The following CSMD1 variants were observed in gnomAD, a reference collection of about 807,000 sequenced individuals.
CSMD1 encodes CUB and Sushi multiple domains 1.
CSMD1 carries 213 observed loss-of-function variants against 417.5 expected under a neutral mutation model. The ratio of observed to expected loss-of-function variants is 0.51; its 90% CI spans 0.46 to 0.57. CSMD1 has a LOEUF of 0.57. CSMD1 is among the 20% of genes least tolerant of loss of function. CSMD1 has a pLI of 0.00. For synonymous variants in CSMD1, 2,862 were observed against 1,736.8 expected (o/e 1.65, Z -16.11); for missense variants, 6,923 against 4,529.7 (o/e 1.53, Z -15.17).
At chr8:3,550,975 G>C (rs1009866275) in intron 10 of CSMD1, among the ~76,000 whole-genome samples, 4 of 150,570 alleles carry the variant, frequency 2.7e-5, no homozygotes, top group African/African-American at 7.5e-5. Context: ...AACTTGAAGT[G>C]AACAGTCAGA....
chr8:3,786,948 G>C (rs998227880), intron 5 of CSMD1, among the ~76,000 whole-genome samples: 1 of 152,090 alleles, frequency 6.6e-6, no homozygotes, highest in Non-Finnish European at 1.5e-5. Flanking sequence ...AATTTGGATG[G>C]ACACCGGCAT....
chr8:4,685,983 T>G (rs1038285917), intron 1 of CSMD1, among the ~76,000 whole-genome samples: 5 of 152,242 alleles, frequency 3.3e-5, no homozygotes, highest in Non-Finnish European at 5.9e-5. Context: ...CGGCAAAGAC[T>G]GCTGATTTTA....
At chr8:3,343,045 T>C (rs909794192) in intron 23 of CSMD1, among the ~76,000 whole-genome samples, 5 of 152,170 alleles carry the variant, frequency 3.3e-5, no homozygotes, top group African/African-American at 1.2e-4. Context: ...ATCTAAAATG[T>C]TGTAAGACGT....
At chr8:3,772,966 A>G (rs1280135223) in intron 5 of CSMD1, among the ~76,000 whole-genome samples, 1 of 152,080 alleles carries the variant, frequency 6.6e-6, no homozygotes, top group Non-Finnish European at 1.5e-5. Flanking sequence ...TCAAGGTGCC[A>G]GTGGATCCCA....
chr8:3,695,011 C>T (rs1013916039), intron 7 of CSMD1, among the ~76,000 whole-genome samples: 3 of 150,552 alleles, frequency 2.0e-5, no homozygotes, highest in Non-Finnish European at 4.4e-5. Flanking sequence ...GGACATTAGA[C>T]GAAGACATGA....
At chr8:4,050,335 C>A (rs143128041) in intron 3 of CSMD1, among the ~76,000 whole-genome samples, 75 of 152,258 alleles carry the variant, frequency 4.9e-4, no homozygotes, top group Middle Eastern at 3.4e-3. Context: ...TAGTTATACA[C>A]AGAGCACCCA....
chr8:4,858,216 C>G (rs537082583), intron 1 of CSMD1, among the ~76,000 whole-genome samples: 5 of 149,284 alleles, frequency 3.3e-5, no homozygotes, highest in Non-Finnish European at 4.5e-5. Context: ...ATTCAACAAA[C>G]CTTCATGCTA....
intron 3 of CSMD1, among the ~76,000 whole-genome samples, chr8:4,304,170 A>C (rs1378012537): frequency 1.3e-5 from 2 of 152,200 alleles, no homozygotes; most frequent in Non-Finnish European, 2.9e-5. Context: ...GACATAAACC[A>C]ATTCAAATTT....
At chr8:4,012,532 G>C (rs527928043) in intron 4 of CSMD1, among the ~76,000 whole-genome samples, 1 of 152,094 alleles carries the variant, frequency 6.6e-6, no homozygotes, top group Admixed American at 6.6e-5. Flanking sequence ...CACCCAGGTA[G>C]TGATCACAGC....
intron 1 of CSMD1, among the ~76,000 whole-genome samples, chr8:4,727,611 C>T (rs1255567231): frequency 6.6e-6 from 1 of 152,110 alleles, no homozygotes. Context: ...TTAATGACTT[C>T]CAAGTTTATA....
At chr8:4,385,534 C>A (rs1419452117) in intron 3 of CSMD1, among the ~76,000 whole-genome samples, 1 of 152,090 alleles carries the variant, frequency 6.6e-6, no homozygotes, top group Non-Finnish European at 1.5e-5. Flanking sequence ...TATTAATCTC[C>A]TTTCATTTTT....
intron 5 of CSMD1, among the ~76,000 whole-genome samples, chr8:3,853,783 T>A (rs1331860929): frequency 1.3e-5 from 2 of 151,464 alleles, no homozygotes; most frequent in African/African-American, 4.9e-5. Flanking sequence ...GACGAGTTAC[T>A]GGGTGCAGCA....
chr8:4,431,542 T>C (rs1797873027), intron 2 of CSMD1, among the ~76,000 whole-genome samples: 1 of 151,034 alleles, frequency 6.6e-6, no homozygotes, highest in South Asian at 2.1e-4. Flanking sequence ...CCGACCCTGA[T>C]AATCTACACC....
rs147811593 is a variant in CSMD1 at position 2,997,044 on chromosome 8, C to T, written c.8377+967G>A. On this transcript the variant is annotated intron_variant, in intron 54 of 69. Transcript: ENST00000635120. Reference sequence around the variant, plus strand: ...CCTCTGGTCAGGGGCTGGGGCTCGGCGGAGGCAGGGGCACTGGCTTCACCC... The same window carrying T: ...CCTCTGGTCAGGGGCTGGGGCTCGGTGGAGGCAGGGGCACTGGCTTCACCC... 3.4e-3 allele frequency among the ~76,000 whole-genome samples: 516 copies of T among 152,302 alleles called. 1 individual carries two copies. The highest frequency in any genetic ancestry group is 2.9e-3 in the Non-Finnish European group (199 of 68,034).
intron 10 of CSMD1, among the ~76,000 whole-genome samples, chr8:3,556,415 T>TACATA (rs1799148435): frequency 3.5e-5 from 2 of 57,102 alleles, no homozygotes; most frequent in Admixed American, 1.4e-4. Flanking sequence ...ATATATATAT[T>TACATA]CACACACACA....
chr8:4,516,056 A>T, intron 2 of CSMD1, among the ~76,000 whole-genome samples: 1 of 152,166 alleles, frequency 6.6e-6, no homozygotes, highest in East Asian at 1.9e-4. Context: ...CAAAACTGCT[A>T]TGTTGAAATC....
At chr8:3,926,102 CACACA>C (rs1448947129) in intron 5 of CSMD1, among the ~76,000 whole-genome samples, 3 of 52,140 alleles carry the variant, frequency 5.8e-5, no homozygotes, top group East Asian at 3.3e-3. Context: ...CACACACACA[CACACA>C]CACACACACA....
At chr8:4,448,145 G>A (rs568442079) in intron 2 of CSMD1, among the ~76,000 whole-genome samples, 19 of 152,132 alleles carry the variant, frequency 1.2e-4, no homozygotes, top group African/African-American at 2.9e-4. Flanking sequence ...AATGTGTATC[G>A]CTCGTATCAC....
At chr8:3,148,752 A>G (rs1343801425) in intron 40 of CSMD1, among the ~76,000 whole-genome samples, 1 of 152,376 alleles carries the variant, frequency 6.6e-6, no homozygotes, top group Non-Finnish European at 1.5e-5. Context: ...CAGGGGCATC[A>G]TAATTCCAAA....
Sources: gnomAD v4.1 joint callset for allele counts (sites outside exome capture counted in the v4.1 genomes callset) on GRCh38, gnomAD v4.1.1 for gene constraint, MANE v1.5 for transcripts, NCBI Gene and HGNC (gene_info 2026-07-23, HGNC 2026-07-21) for gene names.